The following PGM5 variants were observed in gnomAD, a reference collection of about 807,000 sequenced individuals.
PGM5 encodes the protein phosphoglucomutase-like protein 5.
PGM5 carries 23 observed loss-of-function variants against 59.2 expected under a neutral mutation model. That is an observed-to-expected ratio of 0.39 (90% CI 0.28 to 0.55). PGM5 has a LOEUF of 0.55. Ranked by LOEUF, PGM5 falls within the 20% of genes least tolerant of loss-of-function variation. The pLI is 0.66. For missense variants in PGM5, 574 were observed against 748.3 expected, an observed-to-expected ratio of 0.77 and a Z score of 2.72; for synonymous variants, 214 against 286.0, an observed-to-expected ratio of 0.75 and a Z score of 2.54.
intron 6 of PGM5, among the ~76,000 whole-genome samples, chr9:68,434,745 G>T (rs993633015): frequency 6.6e-6 from 1 of 151,460 alleles, no homozygotes; most frequent in East Asian, 1.9e-4. Context: ...GTCGGAGATC[G>T]CACCACTGCG....
intron 6 of PGM5, among the ~76,000 whole-genome samples, chr9:68,412,571 C>G (rs2132039983): frequency 6.6e-6 from 1 of 152,340 alleles, no homozygotes; most frequent in South Asian, 2.1e-4. Flanking sequence ...GTTGATGGAT[C>G]CATCTGCACA....
intron 6 of PGM5, among the ~76,000 whole-genome samples, chr9:68,408,910 G>T (rs1195414648): frequency 6.6e-6 from 1 of 151,970 alleles, no homozygotes; most frequent in African/African-American, 2.4e-5. Context: ...ATTTCTGAGG[G>T]CTCTGTTCTG....
chr9:68,506,128 G>C (rs142876618), intron 10 of PGM5, among the ~76,000 whole-genome samples: 1 of 152,326 alleles, frequency 6.6e-6, no homozygotes, highest in Non-Finnish European at 1.5e-5. Flanking sequence ...CATAATTTAA[G>C]TTTGGCCTAA....
chr9:68,503,858 T>C (rs1160501000), intron 10 of PGM5, among the ~76,000 whole-genome samples: 1 of 152,200 alleles, frequency 6.6e-6, no homozygotes, highest in African/African-American at 2.4e-5. Flanking sequence ...CCTGTAGTTT[T>C]TAAAAAATTT....
intron 6 of PGM5, chr9:68,396,277 T>G (rs1822499183): frequency 6.6e-6 from 1 of 152,228 alleles, no homozygotes; most frequent in South Asian, 2.1e-4. Context: ...AATTAGAAAT[T>G]GACTCAGGAT....
chr9:68,391,765 A>T (rs782019132), intron 5 of PGM5, 41 bp downstream of exon 5: 1 of 1,591,888 alleles, frequency 6.3e-7, no homozygotes, highest in Admixed American at 1.7e-5. Context: ...CTTTGATCAT[A>T]TAATGAGCCA....
At chr9:68,419,846 T>A (rs1210969250) in intron 6 of PGM5, among the ~76,000 whole-genome samples, 1 of 152,170 alleles carries the variant, frequency 6.6e-6, no homozygotes, top group Non-Finnish European at 1.5e-5. Context: ...GAGCCTCACA[T>A]TGTTGAGATA....
intron 6 of PGM5, among the ~76,000 whole-genome samples, chr9:68,439,739 C>T (rs1173223403): frequency 6.7e-6 from 1 of 150,354 alleles, no homozygotes; most frequent in Non-Finnish European, 1.5e-5. Flanking sequence ...AAATATTAGA[C>T]ATGGAACGTG....
intron 1 of PGM5, among the ~76,000 whole-genome samples, chr9:68,374,464 G>T (rs1249119968): frequency 1.4e-5 from 2 of 146,194 alleles, no homozygotes; most frequent in African/African-American, 5.1e-5. Context: ...TATCCATTAA[G>T]TTATTAAAGG....
intron 10 of PGM5, among the ~76,000 whole-genome samples, chr9:68,518,314 T>C (rs1824851774): frequency 6.6e-6 from 1 of 152,186 alleles, no homozygotes; most frequent in Non-Finnish European, 1.5e-5. Context: ...ACTAACAATA[T>C]TCTAGGTCTC....
At chr9:68,438,542 T>G (rs1299761077) in intron 6 of PGM5, among the ~76,000 whole-genome samples, 1 of 152,140 alleles carries the variant, frequency 6.6e-6, no homozygotes, top group African/African-American at 2.4e-5. Flanking sequence ...TAAGATGGAG[T>G]AAGCACACTT....
chr9:68,387,419 A>G (rs112106568), intron 3 of PGM5, 44 bp from the exon 4 acceptor site: 6 of 1,519,440 alleles, frequency 3.9e-6, no homozygotes, highest in African/African-American at 1.4e-5. Context: ...AGTATCTTTC[A>G]TGGGTACAGT....
chr9:68,369,481 G>A (rs1397668113), intron 1 of PGM5, among the ~76,000 whole-genome samples: 1 of 152,114 alleles, frequency 6.6e-6, no homozygotes, highest in African/African-American at 2.4e-5. Flanking sequence ...TAGTGAGTCA[G>A]ACTGTATACC....
At chr9:68,429,800 T>C (rs1278210928) in intron 6 of PGM5, among the ~76,000 whole-genome samples, 1 of 152,202 alleles carries the variant, frequency 6.6e-6, no homozygotes, top group Admixed American at 6.5e-5. Context: ...TGGAAATCCT[T>C]CTTAGAGATA....
chr9:68,419,447 T>C (rs4744988), intron 6 of PGM5, among the ~76,000 whole-genome samples: 90,850 of 151,980 alleles, frequency 0.6, 28,726 homozygotes, highest in South Asian at 0.71. Context: ...AAGGGCATCC[T>C]GGTTGGGAGG....
intron 2 of PGM5, among the ~76,000 whole-genome samples, chr9:68,383,457 C>T (rs1202124311): frequency 6.6e-6 from 1 of 151,886 alleles, no homozygotes; most frequent in Non-Finnish European, 1.5e-5. Context: ...TGCAGCACAC[C>T]TCAACTTGAC....
intron 1 of PGM5, among the ~76,000 whole-genome samples, chr9:68,360,156 A>T (rs545629864): frequency 6.6e-6 from 1 of 152,120 alleles, no homozygotes; most frequent in Non-Finnish European, 1.5e-5. Context: ...TCTAGGAAAA[A>T]CTACAGTTAC....
At chr9:68,404,392 G>T (rs1822749912) in intron 6 of PGM5, among the ~76,000 whole-genome samples, 1 of 152,224 alleles carries the variant, frequency 6.6e-6, no homozygotes, top group African/African-American at 2.4e-5. Flanking sequence ...GCTTCCCAAA[G>T]TGCTGGGATT....
intron 9 of PGM5, among the ~76,000 whole-genome samples, chr9:68,492,167 G>A (rs1350130583): frequency 6.6e-6 from 1 of 152,188 alleles, no homozygotes; most frequent in Non-Finnish European, 1.5e-5. Flanking sequence ...GGAACTAAGG[G>A]AGGAAGCTAT....
Sources: allele counts gnomAD v4.1 joint callset (sites outside exome capture counted in the v4.1 genomes callset), GRCh38; gene constraint gnomAD v4.1.1; transcripts MANE v1.5; gene names NCBI Gene and HGNC (gene_info 2026-07-23, HGNC 2026-07-21).